The following ABLIM1 variants were observed in gnomAD, a reference collection of about 807,000 sequenced individuals.
ABLIM1 encodes the protein actin binding LIM protein 1.
A neutral mutation model predicts 107.0 loss-of-function variants in ABLIM1; 40 were observed. The observed-to-expected ratio is 0.37, with a 90% CI of 0.29 to 0.49. The LOEUF is 0.49. ABLIM1 is among the 20% of genes least tolerant of loss of function. The pLI is 0.97. For missense variants in ABLIM1, 857 were observed against 1,008.5 expected (o/e 0.85, Z 2.04); for synonymous variants, 357 against 357.3 (o/e 1.00, Z 0.01).
the ABLIM1 span, among the ~76,000 whole-genome samples, chr10:114,782,159 A>T: frequency 2.0e-5 from 3 of 152,158 alleles, no homozygotes; most frequent in Non-Finnish European, 4.4e-5. Context: ...AATGCTATAA[A>T]TTAAATTAAA....
At chr10:114,628,500 A>G (rs2483608) in intron 1 of ABLIM1, among the ~76,000 whole-genome samples, 4,842 of 152,334 alleles carry the variant, frequency 0.032, 266 homozygotes, top group African/African-American at 0.11. Context: ...CCCTACACAC[A>G]TGAATGTCAG....
chr10:114,555,903 G>A (rs2068669425), intron 4 of ABLIM1, among the ~76,000 whole-genome samples: 1 of 151,802 alleles, frequency 6.6e-6, no homozygotes, highest in African/African-American at 2.4e-5. Flanking sequence ...TACAAAATAA[G>A]TTCCTGGCTA....
chr10:114,470,193 C>T (rs1446072431), intron 10 of ABLIM1, among the ~76,000 whole-genome samples: 10 of 152,088 alleles, frequency 6.6e-5, no homozygotes, highest in East Asian at 3.9e-4. Flanking sequence ...GAGGCCAAGG[C>T]GGGTGGATCA....
At chr10:114,587,899 C>T (rs561210936) in intron 2 of ABLIM1, among the ~76,000 whole-genome samples, 2 of 152,298 alleles carry the variant, frequency 1.3e-5, no homozygotes, top group East Asian at 3.9e-4. Context: ...ACCAGCTATG[C>T]TTCCACAAGT....
At chr10:114,530,984 T>A (rs542207184) in intron 6 of ABLIM1, among the ~76,000 whole-genome samples, 5 of 152,190 alleles carry the variant, frequency 3.3e-5, no homozygotes, top group African/African-American at 1.2e-4. Flanking sequence ...TTCAGATGCC[T>A]GGTAAAAAAG....
intron 17 of ABLIM1, among the ~76,000 whole-genome samples, chr10:114,442,459 T>G (rs1174683871): frequency 6.6e-6 from 1 of 152,240 alleles, no homozygotes; most frequent in African/African-American, 2.4e-5. Context: ...TTAATCTTTC[T>G]GAAGTCCTCA....
At chr10:114,690,262 C>T in intron 1 of ABLIM1, 1 of 1,526,718 alleles carries the variant, frequency 6.5e-7, no homozygotes, top group East Asian at 2.3e-5. Flanking sequence ...CCAAAGACCA[C>T]ATGCTTGCCA....
the ABLIM1 span, among the ~76,000 whole-genome samples, chr10:114,782,224 T>C: frequency 1.3e-5 from 2 of 152,246 alleles, no homozygotes; most frequent in South Asian, 4.1e-4. Context: ...GCACCAGGCC[T>C]CATGCTAAGA....
chr10:114,514,674 A>T (rs1374084317), intron 6 of ABLIM1, among the ~76,000 whole-genome samples: 2 of 152,142 alleles, frequency 1.3e-5, no homozygotes, highest in Non-Finnish European at 2.9e-5. Flanking sequence ...CACCACTCTC[A>T]ACCTGAATTA....
rs139261805 is a variant in ABLIM1 at position 114,767,318 on chromosome 10, C to T, written c.-213+743G>A. The stretch of plus-strand genomic sequence containing the variant: ...AATCAATATTTTCTTTAAATGCTTA[C>T]GGCAAAGCAACCAATTCACTTCATT... On this transcript the variant is annotated intron_variant, in intron 1 of 15. Transcript: ENST00000651092. Among the ~76,000 whole-genome samples the T allele has an allele frequency of 7.6e-3, 1,159 of 152,294 alleles. 10 individuals are homozygous for T. Among genetic ancestry groups the T allele is most frequent in the African/African-American group, 0.027 (1,113 of 41,570 alleles).
chr10:114,625,650 G>A (rs573608987), intron 1 of ABLIM1, among the ~76,000 whole-genome samples: 4 of 152,236 alleles, frequency 2.6e-5, no homozygotes, highest in African/African-American at 9.6e-5. Context: ...AAAAGGGGGG[G>A]GTACAGTATG....
At chr10:114,672,624 G>A (rs1376871834) in intron 1 of ABLIM1, among the ~76,000 whole-genome samples, 4 of 152,234 alleles carry the variant, frequency 2.6e-5, no homozygotes, top group Admixed American at 2.6e-4. Context: ...AACTCCTAAT[G>A]TTAATGTAAT....
rs1232300098 is a variant in ABLIM1, at chr10:114,445,169, C to T, written c.1827+143G>A. ...TTACTATTAACAGACACCTGTCTTG[C>T]CTTGCCTGCCAGATTTCAAGCCCCT... On this transcript the variant is annotated intron_variant, in intron 16 of 22. Coordinates refer to ENST00000533213, the MANE Select transcript of ABLIM1 (RefSeq NM_002313.7). The T allele has an allele frequency of 7.2e-6, 5 of 693,690 alleles. No homozygotes were observed. The East Asian group carries it at 1.3e-4, about 18-fold the overall frequency. The allele number at this position is 693,690 out of a possible 1,614,324, so 43.0% of individuals were successfully genotyped here. A position where few individuals can be genotyped will look rare whatever the true frequency, so the allele number is the denominator to read the frequency against.
At chr10:114,578,277 C>T (rs2139072937) in intron 2 of ABLIM1, among the ~76,000 whole-genome samples, 1 of 152,330 alleles carries the variant, frequency 6.6e-6, no homozygotes, top group African/African-American at 2.4e-5. Flanking sequence ...ATTTTCCAAA[C>T]ACACCCTTTC....
At chr10:114,716,443 A>ACC (rs1555227439) in intron 1 of ABLIM1, among the ~76,000 whole-genome samples, 115 of 148,276 alleles carry the variant, frequency 7.8e-4, no homozygotes, top group Admixed American at 3.5e-3. Context: ...ACACACACAC[A>ACC]CCCCTCCCCA....
chr10:114,541,613 G>A (rs1181896443), intron 6 of ABLIM1, among the ~76,000 whole-genome samples: 5 of 152,196 alleles, frequency 3.3e-5, no homozygotes, highest in African/African-American at 9.7e-5. Context: ...TAAGGACTAC[G>A]TCTGCTGGGT....
chr10:114,441,201 T>G, intron 18 of ABLIM1, 124 bp from the exon 19 acceptor site: 2 of 1,050,286 alleles, frequency 1.9e-6, no homozygotes, highest in Non-Finnish European at 1.4e-6. Flanking sequence ...AGACCTTCAT[T>G]TTTTTTTTCC....
intron 1 of ABLIM1, among the ~76,000 whole-genome samples, chr10:114,748,332 G>T (rs981294859): frequency 5.3e-5 from 8 of 152,138 alleles, no homozygotes; most frequent in African/African-American, 1.9e-4. Flanking sequence ...CGGTTGGCCA[G>T]CTTATAATCT....
At chr10:114,613,002 G>A (rs1389897181) in intron 1 of ABLIM1, among the ~76,000 whole-genome samples, 1 of 152,176 alleles carries the variant, frequency 6.6e-6, no homozygotes, top group Non-Finnish European at 1.5e-5. Flanking sequence ...GTGTCTCTTT[G>A]TGGCACAAAT....
Sources: gnomAD v4.1 joint callset for allele counts (sites outside exome capture counted in the v4.1 genomes callset) on GRCh38, gnomAD v4.1.1 for gene constraint, MANE v1.5 for transcripts, NCBI Gene and HGNC (gene_info 2026-07-23, HGNC 2026-07-21) for gene names.